Variants in ETS1 observed in about 807,000 individuals in gnomAD.
ETS1 encodes protein C-ets-1.
A neutral mutation model predicts 58.6 loss-of-function variants in ETS1; 15 were observed. The ratio of observed to expected loss-of-function variants is 0.26; its 90% CI spans 0.17 to 0.39. The LOEUF is 0.39. Among genes scored for constraint, ETS1 ranks in the 10% least tolerant of loss-of-function variants. The pLI, the probability that ETS1 is intolerant of heterozygous loss-of-function variation, is 1.00. For missense variants in ETS1, 417 were observed against 610.5 expected (o/e 0.68, Z 3.34); for synonymous variants, 214 against 218.2 (o/e 0.98, Z 0.17).
Position 128,549,643 on chromosome 11 carries a change from T to C in ETS1, c.214+6648A>G, listed in dbSNP as rs184852479. 6.6e-6 allele frequency among the ~76,000 whole-genome samples: 1 copy of C among 152,294 alleles called. No homozygotes were observed. Among genetic ancestry groups the C allele is most frequent in the East Asian group, 1.9e-4 (1 of 5,184 alleles). On this transcript the variant is annotated intron_variant, in intron 3 of 9. Transcript: ENST00000392668. The surrounding 1 kb of genome is among the most constrained non-coding windows in gnomAD (Gnocchi z 4.3). The stretch of plus-strand genomic sequence containing the variant: ...GGAAGGCTTGCCTTTCCACTGTCAC[T>C]CCACGAACCCAGCCCAGAGGCTTCG...
chr11:128,535,365 C>T (rs971975919), intron 3 of ETS1, among the ~76,000 whole-genome samples: 2 of 152,150 alleles, frequency 1.3e-5, no homozygotes, highest in East Asian at 3.9e-4. Flanking sequence ...AATTTTCTCC[C>T]ATTCTGTAGG....
At position 128,489,948 on chromosome 11, in the gene ETS1, G is replaced by A. The variant is rs1485912298; in HGVS notation, c.335-458C>T. On this transcript the variant is annotated intron_variant, in intron 4 of 9. Coordinates refer to ENST00000392668, the MANE Select transcript of ETS1 (RefSeq NM_001143820.2). The stretch of plus-strand genomic sequence containing the variant: ...TTTTTTATCTTAGCCAATTATAGTG[G>A]TAACAATTGTAGCAATTAGTAGTAG... Among the ~76,000 whole-genome samples, 4 of 152,274 alleles carry A rather than the reference G, an allele frequency of 2.6e-5. No homozygotes were observed. In the South Asian group the frequency reaches 8.3e-4, roughly 32 times the overall value.
chr11:128,545,434 C>T (rs1482046300), intron 3 of ETS1, among the ~76,000 whole-genome samples: 2 of 152,186 alleles, frequency 1.3e-5, no homozygotes, highest in Admixed American at 6.5e-5. Flanking sequence ...TACCAACCTG[C>T]CTCCCAGAAT....
Position 128,486,161 on chromosome 11 carries a change from T to C in ETS1, c.536-15A>G. 2 of 1,548,264 alleles carry C rather than the reference T, an allele frequency of 1.3e-6. No individual in the cohort carries two copies. The highest frequency in any genetic ancestry group is 1.8e-6 in the Non-Finnish European group (2 of 1,120,890). On this transcript the variant is annotated splice_polypyrimidine_tract_variant and intron_variant, in intron 5 of 9. Coordinates refer to ENST00000392668, the MANE Select transcript of ETS1 (RefSeq NM_001143820.2). The stretch of plus-strand genomic sequence containing the variant: ...TTTCACATCCTCTGTAATGAACAGA[T>C]AGGGAAGGAACAAAGAGGTCAATAT...
chr11:128,499,214 TC>T (rs1863022417), intron 3 of ETS1, among the ~76,000 whole-genome samples: 1 of 152,210 alleles, frequency 6.6e-6, no homozygotes, highest in Non-Finnish European at 1.5e-5. Flanking sequence ...CTTGCTATAA[TC>T]CCAGCTTCCA....
At chr11:128,498,952 T>C (rs1228065566) in intron 3 of ETS1, among the ~76,000 whole-genome samples, 1 of 152,220 alleles carries the variant, frequency 6.6e-6, no homozygotes, top group African/African-American at 2.4e-5. Flanking sequence ...CTTCTTTATC[T>C]GAAAAACACA....
intron 8 of ETS1, among the ~76,000 whole-genome samples, chr11:128,465,439 GC>G (rs1312819514): frequency 1.3e-5 from 2 of 152,178 alleles, no homozygotes; most frequent in African/African-American, 4.8e-5. Flanking sequence ...CTTGGGAGTT[GC>G]CTAAAGTCAT....
In ETS1 at chr11:128,548,129, A is replaced by AG. The variant is rs1372683467; in HGVS notation, c.214+8161dup. On this transcript the variant is annotated intron_variant, in intron 3 of 9. Coordinates refer to ENST00000392668, the MANE Select transcript of ETS1 (RefSeq NM_001143820.2). ...AGGAAAGGGAAGGAAAGGAAAGGAA[A>AG]GGAAAGGGAAGGGAAGGGAAGGGAA... is the stretch of plus-strand genomic sequence containing the variant. 7.5e-3 allele frequency among the ~76,000 whole-genome samples: 1,089 copies of AG among 144,686 alleles called. 17 individuals are homozygous for AG. Among genetic ancestry groups the AG allele is most frequent in the African/African-American group, 0.026 (972 of 38,094 alleles). 94.9% of individuals were successfully genotyped at this position (144,686 alleles called of 152,430 possible).
intron 1 of ETS1, among the ~76,000 whole-genome samples, chr11:128,581,295 A>G (rs1864865613): frequency 2.0e-5 from 3 of 152,156 alleles, no homozygotes; most frequent in South Asian, 4.1e-4. Context: ...AACCTTTGAA[A>G]TACTAACAAT....
At chr11:128,569,755 T>G (rs1287502193) in intron 2 of ETS1, among the ~76,000 whole-genome samples, 1 of 152,216 alleles carries the variant, frequency 6.6e-6, no homozygotes, top group Non-Finnish European at 1.5e-5. Flanking sequence ...TTAAAGGGCT[T>G]CTTTGCTTGC....
chr11:128,532,813 C>T (rs1020848747), intron 3 of ETS1, among the ~76,000 whole-genome samples: 2 of 152,172 alleles, frequency 1.3e-5, no homozygotes, highest in Middle Eastern at 3.2e-3. Context: ...GATCACAGCC[C>T]TCATGCTGGG....
intron 2 of ETS1, among the ~76,000 whole-genome samples, chr11:128,568,810 C>A (rs1864561158): frequency 6.6e-6 from 1 of 152,162 alleles, no homozygotes; most frequent in African/African-American, 2.4e-5. Flanking sequence ...GCAAGGACTC[C>A]GAGACTTAGC....
chr11:128,518,806 G>C (rs987441481), intron 3 of ETS1, among the ~76,000 whole-genome samples: 2 of 152,200 alleles, frequency 1.3e-5, no homozygotes, highest in Non-Finnish European at 2.9e-5. Context: ...TAAGTATAAC[G>C]CATGTTCCCG....
rs918888003 is a variant in ETS1 at position 128,549,697 on chromosome 11, C to T, written c.214+6594G>A. 6.6e-6 allele frequency among the ~76,000 whole-genome samples: 1 copy of T among 152,104 alleles called. No individual in the cohort carries two copies. The highest frequency in any genetic ancestry group is 2.4e-5 in the African/African-American group (1 of 41,416). ...TGTCTGTCTTGGTTTCCTTCCTTCC[C>T]GGGGACCTAAAGGGGTGATTTACAT... On this transcript the variant is annotated intron_variant, in intron 3 of 9. Coordinates refer to ENST00000392668, the MANE Select transcript of ETS1 (RefSeq NM_001143820.2). The surrounding 1 kb of genome is among the most constrained non-coding windows in gnomAD (Gnocchi z 4.3).
intron 3 of ETS1, among the ~76,000 whole-genome samples, chr11:128,494,591 T>G (rs1862889085): frequency 6.6e-6 from 1 of 152,256 alleles, no homozygotes; most frequent in African/African-American, 2.4e-5. Flanking sequence ...CACTTACATG[T>G]AACTCAAAGT....
chr11:128,497,991 A>G (rs1862989078), intron 3 of ETS1, among the ~76,000 whole-genome samples: 2 of 151,004 alleles, frequency 1.3e-5, no homozygotes, highest in South Asian at 4.6e-4. Context: ...TAAAATAGGA[A>G]ATACATGAAT....
At chr11:128,564,664 G>C (rs1864460954) in intron 2 of ETS1, among the ~76,000 whole-genome samples, 1 of 152,174 alleles carries the variant, frequency 6.6e-6, no homozygotes, top group South Asian at 2.1e-4. Flanking sequence ...CTCTTGCTGA[G>C]AGGTCTTAGG....
intron 3 of ETS1, chr11:128,522,104 T>C (rs1863693916): frequency 7.6e-7 from 1 of 1,313,722 alleles, no homozygotes; most frequent in African/African-American, 1.5e-5. Flanking sequence ...AAATCCGACT[T>C]TCTTCCCAAA....
intron 8 of ETS1, among the ~76,000 whole-genome samples, chr11:128,471,204 T>TCTTGTC (rs1862179322): frequency 6.6e-6 from 1 of 152,206 alleles, no homozygotes; most frequent in Non-Finnish European, 1.5e-5. Flanking sequence ...TGTCCAGCCA[T>TCTTGTC]CAGGGCCCAA....
Sources: allele counts gnomAD v4.1 joint callset (sites outside exome capture counted in the v4.1 genomes callset), GRCh38; gene constraint gnomAD v4.1.1; non-coding constraint Gnocchi (gnomAD v3.1); transcripts MANE v1.5; gene names NCBI Gene and HGNC (gene_info 2026-07-23, HGNC 2026-07-21).